Variants in CSRNP3 observed in about 807,000 individuals in gnomAD.
CSRNP3 encodes cysteine and serine rich nuclear protein 3, also known as cysteine/serine-rich nuclear protein 3.
A neutral mutation model predicts 48.0 loss-of-function variants in CSRNP3; 12 were observed. The observed-to-expected ratio is 0.25, with a 90% CI of 0.16 to 0.41. The LOEUF (loss-of-function observed/expected upper bound fraction) is 0.41, where lower values mean the gene tolerates loss of function less well. CSRNP3 is among the 10% of genes least tolerant of loss of function. The probability of loss-of-function intolerance (pLI) is 1.00; values close to 1 mark genes in which losing one functional copy is unlikely to be tolerated. For synonymous variants in CSRNP3, 263 were observed against 269.7 expected (o/e 0.98, Z 0.24); for missense variants, 580 against 724.4 (o/e 0.80, Z 2.29).
rs975614788 is a variant in CSRNP3 at position 165,483,026 on chromosome 2, ATG to A, written c.-282-11719_-282-11718del. On this transcript the variant is annotated intron_variant, in intron 1 of 6. Coordinates refer to ENST00000651982, the MANE Select transcript of CSRNP3 (RefSeq NM_001172173.2). The stretch of plus-strand genomic sequence containing the variant: ...GGAGAGGGAGAGAGAACATACGTAT[ATG>A]TGTGTGTGTGTGTATGTATATATAT... Among the ~76,000 whole-genome samples, 27 of 143,998 alleles carry A rather than the reference ATG, an allele frequency of 1.9e-4. No homozygotes were observed. In the East Asian group the frequency reaches 3.9e-3, roughly 21 times the overall value. 94.5% of individuals were successfully genotyped at this position (143,998 alleles called of 152,430 possible).
At chr2:165,593,147 T>C (rs1685750526) in intron 3 of CSRNP3, among the ~76,000 whole-genome samples, 1 of 152,174 alleles carries the variant, frequency 6.6e-6, no homozygotes, top group Non-Finnish European at 1.5e-5. Flanking sequence ...TGTTTCTTCA[T>C]AGCAGCATGA....
chr2:165,588,524 A>G (rs572361595), intron 3 of CSRNP3, among the ~76,000 whole-genome samples: 2 of 152,340 alleles, frequency 1.3e-5, no homozygotes, highest in South Asian at 4.1e-4. Context: ...CTTGACTAGC[A>G]TGTGTTTCAT....
intron 1 of CSRNP3, among the ~76,000 whole-genome samples, chr2:165,482,265 C>CTTTTTT (rs5836042): frequency 2.8e-5 from 4 of 143,282 alleles, no homozygotes; most frequent in African/African-American, 2.6e-5. Flanking sequence ...AAGAGATGTG[C>CTTTTTT]TTTTTTTTTT....
At chr2:165,491,110 AC>A (rs1181199461) in intron 1 of CSRNP3, among the ~76,000 whole-genome samples, 4 of 110,416 alleles carry the variant, frequency 3.6e-5, no homozygotes, top group African/African-American at 6.5e-5. Context: ...CAAGAAAAAA[AC>A]AAACAACCCC....
rs1183516974 is a variant in CSRNP3 at position 165,681,726 on chromosome 2, C to CACAT, written c.*1974_*1975insCATA. The CACAT allele has an allele frequency of 2.1e-5, 2 of 93,690 alleles. No individual in the cohort carries two copies. Among genetic ancestry groups the CACAT allele is most frequent in the East Asian group, 7.1e-4 (2 of 2,804 alleles). 5.8% of individuals were successfully genotyped at this position (93,690 alleles called of 1,614,324 possible). A position where few individuals can be genotyped will look rare whatever the true frequency, so the allele number is the denominator to read the frequency against. On this transcript the variant is annotated 3_prime_UTR_variant, in exon 7 of 7. Transcript: ENST00000651982. ...AGGATTTGTTGAAATCTCAAATATA[C>CACAT]ATATATATATATATATATATATATA...
At chr2:165,639,016 C>T (rs1236412089) in intron 4 of CSRNP3, among the ~76,000 whole-genome samples, 8 of 152,032 alleles carry the variant, frequency 5.3e-5, no homozygotes, top group African/African-American at 1.7e-4. Context: ...TGTTTGTTTC[C>T]GTTTAAAGAC....
chr2:165,635,595 G>A (rs1233427822), intron 4 of CSRNP3, among the ~76,000 whole-genome samples: 1 of 152,198 alleles, frequency 6.6e-6, no homozygotes, highest in Non-Finnish European at 1.5e-5. Context: ...AGGACAAATA[G>A]AAATGTCGAT....
chr2:165,653,474 G>A (rs747142374), intron 4 of CSRNP3, among the ~76,000 whole-genome samples: 16 of 152,110 alleles, frequency 1.1e-4, no homozygotes, highest in Admixed American at 7.9e-4. Flanking sequence ...CACTATTGTC[G>A]TCTTCAAGGC....
chr2:165,615,729 C>A (rs141808998), intron 4 of CSRNP3, among the ~76,000 whole-genome samples: 187 of 151,388 alleles, frequency 1.2e-3, no homozygotes, highest in African/African-American at 4.2e-3. Context: ...TTCATCCCTT[C>A]ACTTTTATTT....
intron 3 of CSRNP3, among the ~76,000 whole-genome samples, chr2:165,520,822 T>TACATATTTTTTTTTCCTTTG (rs1684649646): frequency 1.0e-5 from 1 of 99,162 alleles, no homozygotes; most frequent in Non-Finnish European, 2.0e-5. Context: ...TATATATATA[T>TACATATTTTTTTTTCCTTTG]ATATACATAT....
chr2:165,540,211 T>C (rs1273527880), intron 3 of CSRNP3, among the ~76,000 whole-genome samples: 1 of 152,128 alleles, frequency 6.6e-6, no homozygotes, highest in Non-Finnish European at 1.5e-5. Context: ...TTGTTTATAT[T>C]ATTTGCTCCA....
At chr2:165,599,317 G>GAAAGA (rs1553478354) in intron 4 of CSRNP3, among the ~76,000 whole-genome samples, 2 of 146,474 alleles carry the variant, frequency 1.4e-5, no homozygotes, top group African/African-American at 5.0e-5. Context: ...AAGAAAGAAA[G>GAAAGA]AAAGAAAGAA....
chr2:165,639,551 C>G lies in CSRNP3; in HGVS notation c.149-18210C>G, dbSNP rs1686691702. On this transcript the variant is annotated intron_variant, in intron 4 of 6. Coordinates refer to ENST00000651982, the MANE Select transcript of CSRNP3 (RefSeq NM_001172173.2). ...TCTGTTCATTTTAAAGGGAACAAGT[C>G]AAAAGGTGTCCTTTAAATCCCGTGA... Among the ~76,000 whole-genome samples the G allele has an allele frequency of 2.6e-5, 4 of 152,172 alleles. No individual in the cohort carries two copies. In the South Asian group the frequency reaches 8.3e-4, roughly 32 times the overall value.
rs111391453 is a variant in CSRNP3 at position 165,480,178 on chromosome 2, C to A, written c.-283+10438C>A. On this transcript the variant is annotated intron_variant, in intron 1 of 6. Coordinates refer to ENST00000651982, the MANE Select transcript of CSRNP3 (RefSeq NM_001172173.2). The stretch of plus-strand genomic sequence containing the variant: ...TTCACGTCAGCCACAGAGAATCTCT[C>A]TCTCATCGAATCCCTCTCATCCTTA... Among the ~76,000 whole-genome samples the A allele has an allele frequency of 2.8e-3, 429 of 152,332 alleles. 1 individual carries two copies. The highest frequency in any genetic ancestry group is 9.8e-3 in the African/African-American group (408 of 41,578).
intron 4 of CSRNP3, among the ~76,000 whole-genome samples, chr2:165,633,282 G>T (rs1432601344): frequency 6.6e-6 from 1 of 152,172 alleles, no homozygotes; most frequent in Non-Finnish European, 1.5e-5. Context: ...CTACAACTAT[G>T]TTGGCATAAG....
chr2:165,549,572 G>A lies in CSRNP3; in HGVS notation c.-24+31611G>A, dbSNP rs1028827355. Reference sequence around the variant, plus strand: ...AATTATATATAACATTATTTTTCTCGATGAACTGTTTCATTTTTATCTATG... The same window carrying A: ...AATTATATATAACATTATTTTTCTCAATGAACTGTTTCATTTTTATCTATG... On this transcript the variant is annotated intron_variant, in intron 3 of 6. Coordinates refer to ENST00000651982, the MANE Select transcript of CSRNP3 (RefSeq NM_001172173.2). Among the ~76,000 whole-genome samples, 6 of 151,976 alleles carry A rather than the reference G, an allele frequency of 3.9e-5. No individual in the cohort carries two copies. The East Asian group carries it at 7.8e-4, about 20-fold the overall frequency.
intron 2 of CSRNP3, among the ~76,000 whole-genome samples, chr2:165,517,330 T>TA (rs2105231705): frequency 6.6e-6 from 1 of 152,076 alleles, no homozygotes; most frequent in South Asian, 2.1e-4. Flanking sequence ...TTTTGTAAAT[T>TA]TTCTTAAGGC....
chr2:165,498,252 A>T (rs1684308314), intron 2 of CSRNP3, among the ~76,000 whole-genome samples: 1 of 152,170 alleles, frequency 6.6e-6, no homozygotes, highest in South Asian at 2.1e-4. Flanking sequence ...TACAATGAAA[A>T]GTAGGTGAGA....
At chr2:165,519,326 T>C (rs1684621905) in intron 3 of CSRNP3, among the ~76,000 whole-genome samples, 1 of 152,084 alleles carries the variant, frequency 6.6e-6, no homozygotes, top group Admixed American at 6.6e-5. Context: ...ATCAGAGAAT[T>C]AAATCGTCTC....
Sources: allele counts gnomAD v4.1 joint callset (sites outside exome capture counted in the v4.1 genomes callset), GRCh38; gene constraint gnomAD v4.1.1; transcripts MANE v1.5; gene names NCBI Gene and HGNC (gene_info 2026-07-23, HGNC 2026-07-21).